The following ST3GAL1 variants were observed in gnomAD, a reference collection of about 807,000 sequenced individuals.
The protein encoded by ST3GAL1 is ST3 beta-galactoside alpha-2,3-sialyltransferase 1.
Under a neutral mutation model 34.1 loss-of-function variants are expected in ST3GAL1, and 16 were observed. That is an observed-to-expected ratio of 0.47 (90% confidence interval 0.32 to 0.71). The LOEUF (loss-of-function observed/expected upper bound fraction) is 0.71. ST3GAL1 is among the 30% of genes least tolerant of loss of function. The pLI, the probability that ST3GAL1 is intolerant of heterozygous loss-of-function variation, is 0.04. For synonymous variants in ST3GAL1, 191 were observed against 184.7 expected (o/e 1.03, Z -0.28); for missense variants, 353 against 447.4 (o/e 0.79, Z 1.90).
chr8:133,517,294 G>C (rs556156649), intron 2 of ST3GAL1, among the ~76,000 whole-genome samples: 1 of 152,290 alleles, frequency 6.6e-6, no homozygotes, highest in East Asian at 1.9e-4. Flanking sequence ...AGGTGCTGGG[G>C]AAGAGCCCAC....
chr8:133,540,742 T>TATATATATAG (rs1563733823), intron 2 of ST3GAL1, among the ~76,000 whole-genome samples: 1 of 90,912 alleles, frequency 1.1e-5, no homozygotes. Flanking sequence ...TATATATATA[T>TATATATATAG]AGACATATAT....
chr8:133,489,561 G>C (rs1028153411), intron 3 of ST3GAL1: 1 of 152,314 alleles, frequency 6.6e-6, no homozygotes, highest in African/African-American at 2.4e-5. Flanking sequence ...TCATCCTCAG[G>C]CTCATGACAC....
chr8:133,493,282 T>C (rs1049322331), intron 3 of ST3GAL1, among the ~76,000 whole-genome samples: 1 of 152,148 alleles, frequency 6.6e-6, no homozygotes, highest in Non-Finnish European at 1.5e-5. Context: ...TGATAAGAGG[T>C]GGGCCTTGCC....
In ST3GAL1 at chr8:133,469,647, T is replaced by C. The variant is rs1214547010; in HGVS notation, c.307-3557A>G. On this transcript the variant is annotated intron_variant, in intron 5 of 9. Coordinates refer to ENST00000522652, the MANE Select transcript of ST3GAL1 (RefSeq NM_173344.3). This position sits in a 1 kb window ranked among gnomAD's most constrained non-coding sequence, Gnocchi z 4.3. ...TGAAAACAAAACTACTGTATTCGGTTGCAGCTCTACCCTGCTGCCTGCCCA... is the reference window on the plus strand; with the variant it reads ...TGAAAACAAAACTACTGTATTCGGTCGCAGCTCTACCCTGCTGCCTGCCCA... Among the ~76,000 whole-genome samples the C allele has an allele frequency of 6.6e-6, 1 of 152,246 alleles. No homozygotes were observed.
In ST3GAL1 at chr8:133,464,778, T is replaced by C. The variant is rs746388517; in HGVS notation, c.683A>G (p.His228Arg). The change falls in exon 7 of 10, where the codon CAC (histidine) becomes CGC (arginine). Residue 228 changes from histidine to arginine, a missense_variant and splice_region_variant. Physicochemically the swap from His to Arg is conservative, Grantham distance 29. Transcript: ENST00000522652. Reference sequence around the variant, plus strand: ...AGGCGGGGCCACAGGAGGGACTCACTGGGAAATGGTGCCCGTGGTGATGGC... The same window carrying C: ...AGGCGGGGCCACAGGAGGGACTCACCGGGAAATGGTGCCCGTGGTGATGGC... ...VSAITTGTIS[H>R]TYIPVPAKIR... 7 of 1,610,834 alleles carry C rather than the reference T, an allele frequency of 4.3e-6. No individual in the cohort carries two copies. Among genetic ancestry groups the C allele is most frequent in the African/African-American group, 4.0e-5 (3 of 74,784 alleles).
intron 1 of ST3GAL1, among the ~76,000 whole-genome samples, chr8:133,559,398 G>A (rs567367875): frequency 6.6e-6 from 1 of 152,296 alleles, no homozygotes. Flanking sequence ...TCTGAAAGGT[G>A]TGTTTTCCAT....
intron 3 of ST3GAL1, among the ~76,000 whole-genome samples, chr8:133,479,883 A>G (rs1481593678): frequency 6.6e-6 from 1 of 152,176 alleles, no homozygotes; most frequent in Non-Finnish European, 1.5e-5. Flanking sequence ...GAACACCGCT[A>G]TACCCCTTCC....
chr8:133,539,885 G>C (rs1818416394), intron 2 of ST3GAL1, among the ~76,000 whole-genome samples: 1 of 152,190 alleles, frequency 6.6e-6, no homozygotes, highest in Admixed American at 6.5e-5. Context: ...ACCAGAGTGA[G>C]ACTCTGTCTC....
chr8:133,508,041 G>A lies in ST3GAL1; in HGVS notation c.-428-8852C>T, dbSNP rs944110168. 6.6e-6 allele frequency among the ~76,000 whole-genome samples: 1 copy of A among 152,078 alleles called. No homozygotes were observed. The highest frequency in any genetic ancestry group is 1.5e-5 in the Non-Finnish European group (1 of 67,950). On this transcript the variant is annotated intron_variant, in intron 2 of 9. Transcript: ENST00000522652. The surrounding 1 kb of genome is among the most constrained non-coding windows in gnomAD (Gnocchi z 4.1). Reference sequence around the variant, plus strand: ...CCCCCCACACCCTAGGCAGCCCACAGACAATGACAGAGGGACATGGGGTTA... The same window carrying A: ...CCCCCCACACCCTAGGCAGCCCACAAACAATGACAGAGGGACATGGGGTTA...
At chr8:133,489,225 T>G (rs1291971910) in intron 3 of ST3GAL1, among the ~76,000 whole-genome samples, 7 of 152,036 alleles carry the variant, frequency 4.6e-5, no homozygotes. Context: ...TCCCCTCCAC[T>G]GCCCACTTTG....
chr8:133,540,730 TATATATATATATAGAC>T lies in ST3GAL1; in HGVS notation c.-429+5028_-429+5043del, dbSNP rs1391241715. Among the ~76,000 whole-genome samples the T allele has an allele frequency of 4.0e-4, 26 of 65,784 alleles. No individual in the cohort carries two copies. In the East Asian group the frequency reaches 0.014, roughly 35 times the overall value. The allele number at this position is 65,784 out of a possible 152,430, so 43.2% of individuals were successfully genotyped here. A position where few individuals can be genotyped will look rare whatever the true frequency, so the allele number is the denominator to read the frequency against. ...ATACAGACATATATATATATAGACA[TATATATATATATAGAC>T]ATATATATATATATAGACATATATA... is the stretch of plus-strand genomic sequence containing the variant. On this transcript the variant is annotated intron_variant, in intron 2 of 9. Transcript: ENST00000522652.
intron 2 of ST3GAL1, among the ~76,000 whole-genome samples, chr8:133,530,844 G>T (rs759179166): frequency 1.3e-5 from 2 of 152,154 alleles, no homozygotes; most frequent in Non-Finnish European, 2.9e-5. Context: ...GTGCCTGGAG[G>T]CAGATGTTCT....
intron 2 of ST3GAL1, among the ~76,000 whole-genome samples, chr8:133,537,708 A>C (rs1185557597): frequency 6.6e-6 from 1 of 152,134 alleles, no homozygotes; most frequent in Non-Finnish European, 1.5e-5. Flanking sequence ...GGGGGCCGGG[A>C]TTGGCCCCAC....
At chr8:133,496,788 A>G (rs1001927118) in intron 3 of ST3GAL1, among the ~76,000 whole-genome samples, 2 of 152,174 alleles carry the variant, frequency 1.3e-5, no homozygotes, top group East Asian at 3.8e-4. Flanking sequence ...AGGTATGCTG[A>G]TGCTCTGGGA....
chr8:133,568,399 G>T (rs1463657902), intron 1 of ST3GAL1, among the ~76,000 whole-genome samples: 1 of 152,184 alleles, frequency 6.6e-6, no homozygotes, highest in Non-Finnish European at 1.5e-5. Flanking sequence ...AGGTGTGCCA[G>T]CAGGGATGCT....
At position 133,458,869 on chromosome 8, in the gene ST3GAL1, G is replaced by A. The variant is rs938929232; in HGVS notation, c.*895C>T. On this transcript the variant is annotated 3_prime_UTR_variant, in exon 10 of 10. Transcript: ENST00000522652. ...GAGTCAGAAACACGGTGCCAAGTTT[G>A]GGGTTTTTTTTCTTTTCTTTTTTTT... The A allele has an allele frequency of 3.3e-5, 5 of 149,810 alleles. No homozygotes were observed. The highest frequency in any genetic ancestry group is 1.2e-4 in the African/African-American group (5 of 40,290). The allele number at this position is 149,810 out of a possible 1,614,324, so 9.3% of individuals were successfully genotyped here. A position where few individuals can be genotyped will look rare whatever the true frequency, so the allele number is the denominator to read the frequency against.
chr8:133,475,911 G>A lies in ST3GAL1; in HGVS notation c.114C>T (p.Phe38=), dbSNP rs1816158845. The change falls in exon 5 of 10, where the codon TTC becomes TTT. Residue 38 remains phenylalanine, a synonymous_variant. Coordinates refer to ENST00000522652, the MANE Select transcript of ST3GAL1 (RefSeq NM_173344.3). ...YSHTMVATTW[F]PKQMVLELSE... ...AGAGCTCCAGGACCATCTGCTTGGG[G>A]AACCAGGTGGTGGCCACCATGGTGT... The A allele has an allele frequency of 6.2e-7, 1 of 1,613,948 alleles. No individual in the cohort carries two copies. Among genetic ancestry groups the A allele is most frequent in the South Asian group, 1.1e-5 (1 of 91,074 alleles).
chr8:133,484,898 TG>T (rs1267396128), intron 3 of ST3GAL1, among the ~76,000 whole-genome samples: 1 of 152,192 alleles, frequency 6.6e-6, no homozygotes, highest in African/African-American at 2.4e-5. Context: ...CCCTGCTCCC[TG>T]GGTATCACGC....
intron 2 of ST3GAL1, among the ~76,000 whole-genome samples, chr8:133,540,978 C>CATATAT (rs1317828898): frequency 2.9e-4 from 6 of 20,406 alleles, no homozygotes; most frequent in African/African-American, 1.6e-3. Flanking sequence ...CATATATATG[C>CATATAT]AGACATATAT....
Sources: gnomAD v4.1 joint callset for allele counts (sites outside exome capture counted in the v4.1 genomes callset) on GRCh38, gnomAD v4.1.1 for gene constraint, Gnocchi (gnomAD v3.1) non-coding constraint, MANE v1.5 for transcripts, NCBI Gene and HGNC (gene_info 2026-07-23, HGNC 2026-07-21) for gene names.